SDK2: variants seen among roughly 807,000 people sequenced by gnomAD.
The protein encoded by SDK2 is sidekick cell adhesion molecule 2.
A neutral mutation model predicts 253.9 loss-of-function variants in SDK2; 105 were observed. The ratio of observed to expected loss-of-function variants is 0.41; its 90% CI spans 0.35 to 0.49. The LOEUF is 0.49. Among genes scored for constraint, SDK2 ranks in the 20% least tolerant of loss-of-function variants. The pLI is 0.06. For synonymous variants in SDK2, 1,249 were observed against 1,234.9 expected, an observed-to-expected ratio of 1.01 and a Z score of -0.24; for missense variants, 2,608 against 3,003.0, an observed-to-expected ratio of 0.87 and a Z score of 3.07.
At chr17:73,536,362 C>A (rs1007953737) in intron 1 of SDK2, among the ~76,000 whole-genome samples, 1 of 152,198 alleles carries the variant, frequency 6.6e-6, no homozygotes, top group Admixed American at 6.5e-5. Context: ...TCTTTTCCAG[C>A]CCCAGAAAAG....
chr17:73,438,590 A>G (rs1009209897), intron 6 of SDK2, among the ~76,000 whole-genome samples: 1 of 152,176 alleles, frequency 6.6e-6, no homozygotes, highest in Non-Finnish European at 1.5e-5. Flanking sequence ...AGACAGAAAC[A>G]TGAAACACCC....
intron 1 of SDK2, among the ~76,000 whole-genome samples, chr17:73,525,164 C>T (rs990933011): frequency 6.6e-6 from 1 of 152,174 alleles, no homozygotes; most frequent in African/African-American, 2.4e-5. Flanking sequence ...GCAAGAAGCC[C>T]GGAGAACCAT....
chr17:73,577,466 G>C lies in SDK2; in HGVS notation c.64+66559C>G, dbSNP rs1389763204. Among the ~76,000 whole-genome samples the C allele has an allele frequency of 2.0e-5, 3 of 152,356 alleles. No homozygotes were observed. The South Asian group carries it at 6.2e-4, about 32-fold the overall frequency. On this transcript the variant is annotated intron_variant, in intron 1 of 44. Coordinates refer to ENST00000392650, the MANE Select transcript of SDK2 (RefSeq NM_001144952.2). ...AAGAAGCCGTAAGTTCAGTGGGGGAGAGAGGGTCCCCAGCTGGTGTGGAGA... is the reference window on the plus strand; with the variant it reads ...AAGAAGCCGTAAGTTCAGTGGGGGACAGAGGGTCCCCAGCTGGTGTGGAGA...
intron 1 of SDK2, among the ~76,000 whole-genome samples, chr17:73,548,638 G>A (rs2045005467): frequency 6.6e-6 from 1 of 152,236 alleles, no homozygotes; most frequent in South Asian, 2.1e-4. Flanking sequence ...GATGCCCAGA[G>A]GGCAGTGTGC....
At chr17:73,444,160 C>T (rs1236816140) in intron 5 of SDK2, among the ~76,000 whole-genome samples, 1 of 152,164 alleles carries the variant, frequency 6.6e-6, no homozygotes, top group Non-Finnish European at 1.5e-5. Flanking sequence ...CCTGCTAGCC[C>T]TAGTCCAAGT....
chr17:73,508,979 G>C (rs893760640), intron 1 of SDK2, among the ~76,000 whole-genome samples: 11 of 152,342 alleles, frequency 7.2e-5, no homozygotes, highest in East Asian at 3.9e-4. Context: ...CAGCCGGCGG[G>C]GAGGAGTCCA....
Position 73,534,976 on chromosome 17 carries a change from C to G in SDK2, c.65-27379G>C, listed in dbSNP as rs1374965568. 2.0e-5 allele frequency among the ~76,000 whole-genome samples: 3 copies of G among 152,162 alleles called. No individual in the cohort carries two copies. The highest frequency in any genetic ancestry group is 4.4e-5 in the Non-Finnish European group (3 of 68,010). On this transcript the variant is annotated intron_variant, in intron 1 of 44. Coordinates refer to ENST00000392650, the MANE Select transcript of SDK2 (RefSeq NM_001144952.2). This position sits in a 1 kb window ranked among gnomAD's most constrained non-coding sequence, Gnocchi z 4.9. ...AAACTCCAAGGGGCAGGTGGGGTCT[C>G]TAGCCCAGGCCTTGGTGCACAGTTT...
intron 2 of SDK2, among the ~76,000 whole-genome samples, chr17:73,480,750 C>A (rs2063717235): frequency 6.6e-6 from 1 of 151,910 alleles, no homozygotes; most frequent in African/African-American, 2.4e-5. Context: ...GAGAAAGAGA[C>A]AAAGAGAGAC....
intron 21 of SDK2, among the ~76,000 whole-genome samples, chr17:73,400,140 T>A (rs2063010195): frequency 6.6e-6 from 1 of 152,150 alleles, no homozygotes; most frequent in Non-Finnish European, 1.5e-5. Context: ...GCCTGACTGA[T>A]CTGGATGGGA....
chr17:73,499,664 A>G (rs2063870483), intron 2 of SDK2, among the ~76,000 whole-genome samples: 1 of 152,228 alleles, frequency 6.6e-6, no homozygotes, highest in Admixed American at 6.5e-5. Flanking sequence ...CTCAGGTCCA[A>G]CAGTGCTCCC....
At position 73,423,449 on chromosome 17, in the gene SDK2, A is replaced by C; in HGVS notation, c.1834T>G (p.Trp612Gly). The change falls in exon 14 of 45, where the codon TGG (tryptophan) becomes GGG (glycine). Residue 612 changes from tryptophan (W) to glycine (G), a missense_variant. Transcript: ENST00000392650. ...TVERRAINLT[W>G]TKPFDGNSPL... ...CTGTTGCCATCAAAGGGCTTGGTCCACGTCAGGTTGATGGCTCGCCTTTCC... is the reference window on the plus strand; with the variant it reads ...CTGTTGCCATCAAAGGGCTTGGTCCCCGTCAGGTTGATGGCTCGCCTTTCC... 1 of 1,592,542 alleles carries C rather than the reference A, an allele frequency of 6.3e-7. No homozygotes were observed. Among genetic ancestry groups the C allele is most frequent in the Non-Finnish European group, 8.6e-7 (1 of 1,167,542 alleles).
intron 37 of SDK2, 101 bp from the exon 38 acceptor site, chr17:73,365,496 G>A (rs903563816): frequency 1.5e-5 from 19 of 1,281,080 alleles, no homozygotes; most frequent in African/African-American, 4.6e-5. Flanking sequence ...GTCTGAGCCC[G>A]GGAGGAACAA....
intron 5 of SDK2, among the ~76,000 whole-genome samples, chr17:73,442,956 T>C (rs2063427416): frequency 6.6e-6 from 1 of 152,032 alleles, no homozygotes; most frequent in Non-Finnish European, 1.5e-5. Context: ...GTAGGCCCGA[T>C]ATTGGCATAA....
At chr17:73,601,507 A>C (rs1860207603) in intron 1 of SDK2, among the ~76,000 whole-genome samples, 1 of 152,166 alleles carries the variant, frequency 6.6e-6, no homozygotes, top group South Asian at 2.1e-4. Flanking sequence ...AGGGAAATTT[A>C]GACACAGGTA....
Position 73,566,319 on chromosome 17 carries a change from ATG to A in SDK2, c.65-58724_65-58723del, listed in dbSNP as rs55940592. Among the ~76,000 whole-genome samples, 1,196 of 138,968 alleles carry A rather than the reference ATG, an allele frequency of 8.6e-3. 9 individuals carry two copies. The highest frequency in any genetic ancestry group is 0.019 in the African/African-American group (701 of 36,166). The allele number at this position is 138,968 out of a possible 152,430, so 91.2% of individuals were successfully genotyped here. On this transcript the variant is annotated intron_variant, in intron 1 of 44. Coordinates refer to ENST00000392650, the MANE Select transcript of SDK2 (RefSeq NM_001144952.2). ...AGCCAAATAAAATTCTTATATATAT[ATG>A]TGTGTGTGTGTGTGTGTGTGTGTGT... is the stretch of plus-strand genomic sequence containing the variant.
Position 73,639,380 on chromosome 17 carries a change from G to T in SDK2, c.64+4645C>A, listed in dbSNP as rs868105444. Among the ~76,000 whole-genome samples, 1 of 152,278 alleles carries T rather than the reference G, an allele frequency of 6.6e-6. No homozygotes were observed. The highest frequency in any genetic ancestry group is 3.4e-3 in the Middle Eastern group (1 of 294). On this transcript the variant is annotated intron_variant, in intron 1 of 44. Transcript: ENST00000392650. The surrounding 1 kb of genome is among the most constrained non-coding windows in gnomAD (Gnocchi z 4.3). The stretch of plus-strand genomic sequence containing the variant: ...GGGATGCTGAGCATCCCTGCTCAAC[G>T]CTGCTCACTGGCTCTGCCTCCTGCC...
rs570741691 is a variant in SDK2 at position 73,378,529 on chromosome 17, C to T, written c.4980+648G>A. On this transcript the variant is annotated intron_variant, in intron 36 of 44. Coordinates refer to ENST00000392650, the MANE Select transcript of SDK2 (RefSeq NM_001144952.2). Reference sequence around the variant, plus strand: ...CTGCCTCCTGGGTTCAAGCGATTCTCCTGCCTCAGCCTCTCGAATAGCTGG... The same window carrying T: ...CTGCCTCCTGGGTTCAAGCGATTCTTCTGCCTCAGCCTCTCGAATAGCTGG... Among the ~76,000 whole-genome samples, 105 of 152,112 alleles carry T rather than the reference C, an allele frequency of 6.9e-4. No individual in the cohort carries two copies. The Middle Eastern group carries it at 0.01, about 15-fold the overall frequency.
intron 40 of SDK2, 43 bp downstream of exon 40, chr17:73,358,036 G>A: frequency 1.2e-6 from 2 of 1,611,764 alleles, no homozygotes. Flanking sequence ...GAAGAAGGGA[G>A]ATAATGAGCT....
chr17:73,416,938 G>A (rs577180400), intron 16 of SDK2, among the ~76,000 whole-genome samples: 3 of 152,210 alleles, frequency 2.0e-5, no homozygotes, highest in Non-Finnish European at 4.4e-5. Context: ...AGAGATTTGT[G>A]ACAATTTGAA....
Sources: gnomAD v4.1 joint callset for allele counts (sites outside exome capture counted in the v4.1 genomes callset) on GRCh38, gnomAD v4.1.1 for gene constraint, Gnocchi (gnomAD v3.1) non-coding constraint, MANE v1.5 for transcripts, NCBI Gene and HGNC (gene_info 2026-07-23, HGNC 2026-07-21) for gene names.